Variants in PDE7B observed in about 807,000 individuals in gnomAD.
PDE7B encodes the protein phosphodiesterase 7B.
In PDE7B, 29 loss-of-function variants were observed where a neutral mutation model predicts 56.2. The observed-to-expected ratio is 0.52, with a 90% CI of 0.38 to 0.70. PDE7B has a LOEUF of 0.70. Ranked by LOEUF, PDE7B falls within the 30% of genes least tolerant of loss-of-function variation. The pLI is 0.00. For synonymous variants in PDE7B, 197 were observed against 196.9 expected (o/e 1.00, Z 0.00); for missense variants, 490 against 565.0 (o/e 0.87, Z 1.35).
chr6:135,861,534 A>G (rs1775146503), intron 1 of PDE7B, among the ~76,000 whole-genome samples: 1 of 149,746 alleles, frequency 6.7e-6, no homozygotes, highest in South Asian at 2.1e-4. Context: ...TATAATAAAC[A>G]TATTTGATAC....
rs59388049 is a variant in PDE7B at position 135,997,413 on chromosome 6, C to CAAAAAAAAAAAAAAAAAAAAAAAAA, written c.82+49903_82+49927dup. ...TAGCTGACAGAATGAGACCCTGTCT[C>CAAAAAAAAAAAAAAAAAAAAAAAAA]AAAAAAAAAAAAAAAAAAAAAAAAA... On this transcript the variant is annotated intron_variant, in intron 2 of 12. Coordinates refer to ENST00000308191, the MANE Select transcript of PDE7B (RefSeq NM_018945.4). Among the ~76,000 whole-genome samples the CAAAAAAAAAAAAAAAAAAAAAAAAA allele has an allele frequency of 2.8e-4, 3 of 10,714 alleles. 1 individual carries two copies. The highest frequency in any genetic ancestry group is 4.6e-4 in the Non-Finnish European group (2 of 4,312). 7.0% of individuals were successfully genotyped at this position (10,714 alleles called of 152,430 possible).
rs540423580 is a variant in PDE7B at position 136,058,881 on chromosome 6, GA to G, written c.83-49844del. On this transcript the variant is annotated intron_variant, in intron 2 of 12. Transcript: ENST00000308191. ...ACCATTGAGGACACTGATTTGGGGGGAAAAAAGTGATTTATATAACGAATAG... is the reference window on the plus strand; with the variant it reads ...ACCATTGAGGACACTGATTTGGGGGGAAAAAGTGATTTATATAACGAATAG... Among the ~76,000 whole-genome samples, 441 of 152,162 alleles carry G rather than the reference GA, an allele frequency of 2.9e-3. 6 individuals are homozygous for G. The highest frequency in any genetic ancestry group is 9.7e-3 in the African/African-American group (404 of 41,518).
intron 2 of PDE7B, among the ~76,000 whole-genome samples, chr6:136,103,186 C>T (rs1290220551): frequency 6.6e-6 from 1 of 152,136 alleles, no homozygotes; most frequent in Non-Finnish European, 1.5e-5. Flanking sequence ...GCACATAGTC[C>T]TTGATGACCA....
At chr6:135,911,733 A>G (rs1253988623) in intron 1 of PDE7B, among the ~76,000 whole-genome samples, 1 of 152,198 alleles carries the variant, frequency 6.6e-6, no homozygotes. Context: ...TATGGTAACT[A>G]CAAGTCTCTT....
chr6:136,125,353 C>T (rs779099010), intron 3 of PDE7B, among the ~76,000 whole-genome samples: 3 of 151,982 alleles, frequency 2.0e-5, no homozygotes, highest in Non-Finnish European at 2.9e-5. Context: ...GCAGGAGGAT[C>T]GCTTGAGGGC....
At chr6:136,176,837 GT>G (rs1778986007) in intron 9 of PDE7B, among the ~76,000 whole-genome samples, 1 of 152,186 alleles carries the variant, frequency 6.6e-6, no homozygotes, top group African/African-American at 2.4e-5. Flanking sequence ...TTACTTAGCA[GT>G]TACTTTTAAT....
At chr6:136,170,900 G>A (rs76667223) in intron 8 of PDE7B, among the ~76,000 whole-genome samples, 2,425 of 152,166 alleles carry the variant, frequency 0.016, 68 homozygotes, top group African/African-American at 0.054. Flanking sequence ...ACCTCTTAAA[G>A]GCCCCACCTC....
chr6:136,123,679 T>C (rs1482767899), intron 3 of PDE7B, among the ~76,000 whole-genome samples: 2 of 152,234 alleles, frequency 1.3e-5, no homozygotes, highest in Non-Finnish European at 2.9e-5. Context: ...AACTTAACTC[T>C]TCCCCAGTGA....
intron 1 of PDE7B, among the ~76,000 whole-genome samples, chr6:135,891,536 C>T (rs1229865516): frequency 6.6e-6 from 1 of 152,150 alleles, no homozygotes; most frequent in African/African-American, 2.4e-5. Flanking sequence ...CAGAGCAAAA[C>T]TGAGGTGAGA....
At position 136,193,584 on chromosome 6, in the gene PDE7B, G is replaced by A. The variant is rs572700394; in HGVS notation, c.*1744G>A. 1.3e-5 allele frequency: 2 copies of A among 152,304 alleles called. No homozygotes were observed. The highest frequency in any genetic ancestry group is 4.1e-4 in the South Asian group (2 of 4,826). The allele number at this position is 152,304 out of a possible 1,614,324, so 9.4% of individuals were successfully genotyped here. A position where few individuals can be genotyped will look rare whatever the true frequency, so the allele number is the denominator to read the frequency against. ...CTTTAGAAGTTTCAGCGTAACTAATGTTAGATGAAAATTGTTGATGCCCCT... is the reference window on the plus strand; with the variant it reads ...CTTTAGAAGTTTCAGCGTAACTAATATTAGATGAAAATTGTTGATGCCCCT... On this transcript the variant is annotated 3_prime_UTR_variant, in exon 13 of 13. Transcript: ENST00000308191.
chr6:136,070,649 ATTT>A (rs1562485625), intron 2 of PDE7B, among the ~76,000 whole-genome samples: 1 of 152,102 alleles, frequency 6.6e-6, no homozygotes, highest in African/African-American at 2.4e-5. Context: ...AACATTGAAA[ATTT>A]TTTAATACGT....
intron 1 of PDE7B, among the ~76,000 whole-genome samples, chr6:135,901,354 G>A (rs1186919665): frequency 6.6e-6 from 1 of 152,014 alleles, no homozygotes; most frequent in African/African-American, 2.4e-5. Flanking sequence ...ATGGGATCTT[G>A]GTGGGGGAAA....
chr6:136,047,150 A>T (rs1405179979), intron 2 of PDE7B, among the ~76,000 whole-genome samples: 2 of 152,204 alleles, frequency 1.3e-5, no homozygotes, highest in Non-Finnish European at 2.9e-5. Context: ...ATGTAACTAG[A>T]AGCATCAGCT....
In PDE7B at chr6:135,967,505, C is replaced by A. The variant is rs532810013; in HGVS notation, c.82+19981C>A. Among the ~76,000 whole-genome samples the A allele has an allele frequency of 5.9e-5, 9 of 152,258 alleles. No individual in the cohort carries two copies. The South Asian group carries it at 1.9e-3, about 32-fold the overall frequency. ...AGAATTGCTAGCACCAGAACTTCAG[C>A]TTTCAAAATACTAAGCTATCGCTGT... is the stretch of plus-strand genomic sequence containing the variant. On this transcript the variant is annotated intron_variant, in intron 2 of 12. Coordinates refer to ENST00000308191, the MANE Select transcript of PDE7B (RefSeq NM_018945.4).
intron 2 of PDE7B, chr6:136,071,436 G>A (rs372800197): frequency 3.5e-4 from 54 of 152,302 alleles, no homozygotes; most frequent in African/African-American, 1.2e-3. Context: ...TATCAGAAAG[G>A]TTGGACAAGA....
At chr6:135,923,943 G>A (rs1774136924) in intron 1 of PDE7B, among the ~76,000 whole-genome samples, 1 of 152,004 alleles carries the variant, frequency 6.6e-6, no homozygotes, top group African/African-American at 2.4e-5. Context: ...GAGAAATGAT[G>A]GACACAAACA....
At chr6:135,953,329 CA>C (rs1344481702) in intron 2 of PDE7B, among the ~76,000 whole-genome samples, 5 of 151,998 alleles carry the variant, frequency 3.3e-5, no homozygotes, top group Admixed American at 6.6e-5. Flanking sequence ...TGTTTTAAGG[CA>C]AAATAAGATT....
chr6:136,033,419 A>C (rs1431367130), intron 2 of PDE7B, among the ~76,000 whole-genome samples: 1 of 152,218 alleles, frequency 6.6e-6, no homozygotes, highest in African/African-American at 2.4e-5. Flanking sequence ...ACTCACACTG[A>C]AAACCAGAAT....
At chr6:136,142,552 G>A (rs1778345559) in intron 3 of PDE7B, among the ~76,000 whole-genome samples, 1 of 152,290 alleles carries the variant, frequency 6.6e-6, no homozygotes, top group African/African-American at 2.4e-5. Context: ...ACAGTGGGGT[G>A]TTAAAGTCTC....
Sources: allele counts gnomAD v4.1 joint callset (sites outside exome capture counted in the v4.1 genomes callset), GRCh38; gene constraint gnomAD v4.1.1; transcripts MANE v1.5; gene names NCBI Gene and HGNC (gene_info 2026-07-23, HGNC 2026-07-21).